TRIP13: variants seen among roughly 807,000 people sequenced by gnomAD.
TRIP13 encodes pachytene checkpoint protein 2 homolog.
In TRIP13, 25 loss-of-function variants were observed where a neutral mutation model predicts 54.4. The observed-to-expected ratio is 0.46, with a 90% CI of 0.33 to 0.64. The LOEUF (loss-of-function observed/expected upper bound fraction) is 0.64. Ranked by LOEUF, TRIP13 falls within the 30% of genes least tolerant of loss-of-function variation. The pLI, the probability that TRIP13 is intolerant of heterozygous loss-of-function variation, is 0.02. For synonymous variants in TRIP13, 207 were observed against 207.8 expected (o/e 1.00, Z 0.03); for missense variants, 373 against 534.2 (o/e 0.70, Z 2.97).
At chr5:903,620 G>T (rs1165793271) in intron 5 of TRIP13, among the ~76,000 whole-genome samples, 1 of 152,184 alleles carries the variant, frequency 6.6e-6, no homozygotes, top group Admixed American at 6.5e-5. Context: ...TGCAAGAAGA[G>T]TGCTGGCCTC....
rs1754364981 is a variant in TRIP13, at chr5:917,590, G to C, written c.*487G>C. 1 of 152,642 alleles carries C rather than the reference G, an allele frequency of 6.6e-6. No individual in the cohort carries two copies. Among genetic ancestry groups the C allele is most frequent in the African/African-American group, 2.4e-5 (1 of 41,450 alleles). 9.5% of individuals were successfully genotyped at this position (152,642 alleles called of 1,614,324 possible). A position where few individuals can be genotyped will look rare whatever the true frequency, so the allele number is the denominator to read the frequency against. On this transcript the variant is annotated 3_prime_UTR_variant, in exon 13 of 13. Transcript: ENST00000166345. Reference sequence around the variant, plus strand: ...TTCTGATATCAGCTCGTTTGATTTAGTGCAAAAATGTTTTCAAGACTATTT... The same window carrying C: ...TTCTGATATCAGCTCGTTTGATTTACTGCAAAAATGTTTTCAAGACTATTT...
intron 5 of TRIP13, among the ~76,000 whole-genome samples, chr5:902,582 CTTTTGT>C (rs1754015796): frequency 1.3e-5 from 2 of 152,186 alleles, no homozygotes; most frequent in African/African-American, 4.8e-5. Context: ...TGTGAGGCAT[CTTTTGT>C]AGGGTCCAGC....
At chr5:910,454 A>G (rs1036765330) in intron 9 of TRIP13, among the ~76,000 whole-genome samples, 1 of 152,000 alleles carries the variant, frequency 6.6e-6, no homozygotes, top group African/African-American at 2.4e-5. Context: ...TCAGGCTTAG[A>G]TGCCCGGGAT....
rs758786650 is a variant in TRIP13, at chr5:904,168, A to C, written c.556A>C (p.Thr186Pro). 6.2e-7 allele frequency: 1 copy of C among 1,608,024 alleles called. No homozygotes were observed. Among genetic ancestry groups the C allele is most frequent in the South Asian group, 1.1e-5 (1 of 88,976 alleles). Residue 186 changes from threonine (T) to proline (P), a missense_variant, in exon 6 of 13, where the codon ACA becomes CCA. Physicochemically the swap from Thr to Pro is conservative, Grantham distance 38 (BLOSUM62 -1). Around this residue, in one of 4 missense-constraint regions of TRIP13, gnomAD observed 119 missense variants for 223.0 expected, o/e 0.53. Transcript: ENST00000166345. ...LLHGPPGTGKTSLCKALAQKL... is the reference protein window; with the variant it reads ...LLHGPPGTGKPSLCKALAQKL... ...CACAGGTCCTCCTGGCACTGGAAAA[A>C]CATCCCTGTGTAAAGCGTTAGCCCA... is the stretch of plus-strand genomic sequence containing the variant.
chr5:904,327 C>T, intron 6 of TRIP13, 107 bp downstream of exon 6: 1 of 887,178 alleles, frequency 1.1e-6, no homozygotes, highest in Non-Finnish European at 1.7e-6. Flanking sequence ...AGATTCCTCT[C>T]CACTGTAAGT....
chr5:909,148 C>T (rs1488678443), intron 9 of TRIP13, among the ~76,000 whole-genome samples: 3 of 152,236 alleles, frequency 2.0e-5, no homozygotes, highest in East Asian at 3.8e-4. Context: ...TGGCCCAGGA[C>T]AGACAGCTTC....
chr5:911,761 A>G lies in TRIP13; in HGVS notation c.867-82A>G. 2 of 1,509,510 alleles carry G rather than the reference A, an allele frequency of 1.3e-6. No individual in the cohort carries two copies. The highest frequency in any genetic ancestry group is 1.8e-6 in the Non-Finnish European group (2 of 1,128,074). The allele number at this position is 1,509,510 out of a possible 1,614,324, so 93.5% of individuals were successfully genotyped here. A position where few individuals can be genotyped will look rare whatever the true frequency, so the allele number is the denominator to read the frequency against. The stretch of plus-strand genomic sequence containing the variant: ...CAGCCTGCTGGCCATCGTCCTGCCA[A>G]CCTCCTTGCCAGATAGGGCAGGATA... On this transcript the variant is annotated intron_variant, in intron 9 of 12. Transcript: ENST00000166345. This position sits in a 1 kb window ranked among gnomAD's most constrained non-coding sequence, Gnocchi z 4.7.
rs1264436406 is a variant in TRIP13, at chr5:911,444, G to GC, written c.867-397dup. ...AAATTAGCCGGGCACGGTGGCGGGC[G>GC]CCTGTAGTCCCGGCTACTTGGGAGG... is the stretch of plus-strand genomic sequence containing the variant. On this transcript the variant is annotated intron_variant, in intron 9 of 12. Coordinates refer to ENST00000166345, the MANE Select transcript of TRIP13 (RefSeq NM_004237.4). This position sits in a 1 kb window ranked among gnomAD's most constrained non-coding sequence, Gnocchi z 4.7. Among the ~76,000 whole-genome samples the GC allele has an allele frequency of 6.6e-6, 1 of 152,184 alleles. No homozygotes were observed. Among genetic ancestry groups the GC allele is most frequent in the Admixed American group, 6.5e-5 (1 of 15,278 alleles).
intron 11 of TRIP13, among the ~76,000 whole-genome samples, 182 bp downstream of exon 11, chr5:914,759 G>T (rs527544395): frequency 7.9e-5 from 12 of 151,766 alleles, no homozygotes; most frequent in Non-Finnish European, 1.3e-4. Flanking sequence ...GTAGAAACAC[G>T]CAGCACAGCC....
At position 897,012 on chromosome 5, in the gene TRIP13, C is replaced by T. The variant is rs183050475; in HGVS notation, c.388+218C>T. On this transcript the variant is annotated intron_variant, in intron 3 of 12. Coordinates refer to ENST00000166345, the MANE Select transcript of TRIP13 (RefSeq NM_004237.4). ...CCTTTGGGTGGGTACCTTAGAGTTCCTGGCTAACGGAGAGTGCCCATGTGC... is the reference window on the plus strand; with the variant it reads ...CCTTTGGGTGGGTACCTTAGAGTTCTTGGCTAACGGAGAGTGCCCATGTGC... Among the ~76,000 whole-genome samples, 6 of 152,358 alleles carry T rather than the reference C, an allele frequency of 3.9e-5. No homozygotes were observed. In the East Asian group the frequency reaches 1.2e-3, roughly 29 times the overall value.
chr5:903,615 G>A (rs1419302048), intron 5 of TRIP13, among the ~76,000 whole-genome samples: 1 of 152,200 alleles, frequency 6.6e-6, no homozygotes. Flanking sequence ...AGGCGTGCAA[G>A]AAGAGTGCTG....
chr5:893,114 T>G (rs1315238217), intron 1 of TRIP13, 24 bp downstream of exon 1: 1 of 1,562,286 alleles, frequency 6.4e-7, no homozygotes, highest in Admixed American at 1.9e-5. Context: ...GTCCGACACA[T>G]CCTCTGGGCA....
intron 2 of TRIP13, among the ~76,000 whole-genome samples, chr5:895,290 G>A (rs1249772945): frequency 6.6e-6 from 1 of 152,198 alleles, no homozygotes; most frequent in Non-Finnish European, 1.5e-5. Context: ...TGTGTGCTAG[G>A]ACCATAGGAG....
rs985053130 is a variant in TRIP13, at chr5:911,671, C to G, written c.867-172C>G. Among the ~76,000 whole-genome samples the G allele has an allele frequency of 6.6e-6, 1 of 152,064 alleles. No individual in the cohort carries two copies. Among genetic ancestry groups the G allele is most frequent in the Admixed American group, 6.6e-5 (1 of 15,266 alleles). ...GAATTCCCAGAAGGCCAAGGAGCAG[C>G]GAGAGCAAAGGCTGGGGGGTCTGCG... On this transcript the variant is annotated intron_variant, in intron 9 of 12. Transcript: ENST00000166345. This position sits in a 1 kb window ranked among gnomAD's most constrained non-coding sequence, Gnocchi z 4.7.
rs1430980802 is a variant in TRIP13 at position 913,113 on chromosome 5, A to G, written c.1020+1117A>G. ...GAGCTCTGTGGAGCTTTGCCTGGAGAATGCCAGTGATCTGAAGACTGATTC... is the reference window on the plus strand; with the variant it reads ...GAGCTCTGTGGAGCTTTGCCTGGAGGATGCCAGTGATCTGAAGACTGATTC... On this transcript the variant is annotated intron_variant, in intron 10 of 12. Transcript: ENST00000166345. This position sits in a 1 kb window ranked among gnomAD's most constrained non-coding sequence, Gnocchi z 4.5. Among the ~76,000 whole-genome samples the G allele has an allele frequency of 6.6e-6, 1 of 152,064 alleles. No individual in the cohort carries two copies. Among genetic ancestry groups the G allele is most frequent in the Non-Finnish European group, 1.5e-5 (1 of 68,016 alleles).
At chr5:909,991 G>GT (rs11452131) in intron 9 of TRIP13, among the ~76,000 whole-genome samples, 12,387 of 152,280 alleles carry the variant, frequency 0.081, 735 homozygotes, top group African/African-American at 0.17. Flanking sequence ...CAGAGATTTT[G>GT]TTATGGCCAG....
At chr5:904,090 T>A in intron 5 of TRIP13, 58 bp from the exon 6 acceptor site, 1 of 1,507,108 alleles carries the variant, frequency 6.6e-7, no homozygotes, top group Non-Finnish European at 9.0e-7. Flanking sequence ...TACTGTTGTT[T>A]TAAGAAATTT....
chr5:903,953 GAA>G (rs1259857369), intron 5 of TRIP13, among the ~76,000 whole-genome samples, 193 bp from the exon 6 acceptor site: 1 of 152,168 alleles, frequency 6.6e-6, no homozygotes. Context: ...GTACAAATAA[GAA>G]AGAGGGGGAG....
rs1241650238 is a variant in TRIP13 at position 911,398 on chromosome 5, C to T, written c.867-445C>T. On this transcript the variant is annotated intron_variant, in intron 9 of 12. Transcript: ENST00000166345. This position sits in a 1 kb window ranked among gnomAD's most constrained non-coding sequence, Gnocchi z 4.7. ...CATCCTGGCTAACACGGTGAAACCCCGTCTCCACTAAAAATACAAAAAATT... is the reference window on the plus strand; with the variant it reads ...CATCCTGGCTAACACGGTGAAACCCTGTCTCCACTAAAAATACAAAAAATT... Among the ~76,000 whole-genome samples the T allele has an allele frequency of 1.3e-5, 2 of 151,930 alleles. No individual in the cohort carries two copies. Among genetic ancestry groups the T allele is most frequent in the Admixed American group, 1.3e-4 (2 of 15,270 alleles).
Sources: gnomAD v4.1 joint callset for allele counts (sites outside exome capture counted in the v4.1 genomes callset) on GRCh38, gnomAD v4.1.1 for gene constraint, gnomAD v4.1.1 regional missense constraint, Gnocchi (gnomAD v3.1) non-coding constraint, MANE v1.5 for transcripts, NCBI Gene and HGNC (gene_info 2026-07-23, HGNC 2026-07-21) for gene names.